Variants in IMMP2L observed in about 807,000 individuals in gnomAD.
The protein encoded by IMMP2L is mitochondrial inner membrane protease subunit 2.
In IMMP2L, 18 loss-of-function variants were observed where a neutral mutation model predicts 19.3. That is an observed-to-expected ratio of 0.93 (90% CI 0.64 to 1.38). IMMP2L has a LOEUF of 1.38. IMMP2L is among the 40% of genes most tolerant of loss of function. The pLI is 0.00. For missense variants in IMMP2L, 233 were observed against 218.2 expected (o/e 1.07, Z -0.43); for synonymous variants, 76 against 73.0 (o/e 1.04, Z -0.21).
chr7:111,001,852 T>C (rs1417530799), intron 3 of IMMP2L, among the ~76,000 whole-genome samples: 1 of 152,146 alleles, frequency 6.6e-6, no homozygotes, highest in African/African-American at 2.4e-5. Context: ...TACAATCCAC[T>C]GCAATGTTTG....
At chr7:111,201,228 T>C (rs567365276) in intron 3 of IMMP2L, among the ~76,000 whole-genome samples, 16 of 150,786 alleles carry the variant, frequency 1.1e-4, no homozygotes, top group South Asian at 4.2e-4. Flanking sequence ...CCTACTACTA[T>C]ATAATGAAAA....
intron 5 of IMMP2L, among the ~76,000 whole-genome samples, chr7:110,678,567 T>C (rs1792487622): frequency 6.6e-6 from 1 of 152,076 alleles, no homozygotes; most frequent in Admixed American, 6.6e-5. Flanking sequence ...ATGATCCCTG[T>C]CCCTTAGGAC....
chr7:110,906,436 G>C (rs1199062393), intron 4 of IMMP2L, among the ~76,000 whole-genome samples: 1 of 152,168 alleles, frequency 6.6e-6, no homozygotes, highest in Non-Finnish European at 1.5e-5. Flanking sequence ...ATTTAAGACA[G>C]CATTTGTTTA....
intron 3 of IMMP2L, among the ~76,000 whole-genome samples, chr7:111,407,906 T>C (rs1834034544): frequency 6.6e-6 from 1 of 151,952 alleles, no homozygotes; most frequent in Non-Finnish European, 1.5e-5. Flanking sequence ...TCACTGAAAA[T>C]TTGCTTAGGT....
At chr7:111,378,175 A>C (rs191081381) in intron 3 of IMMP2L, among the ~76,000 whole-genome samples, 1 of 152,012 alleles carries the variant, frequency 6.6e-6, no homozygotes, top group Non-Finnish European at 1.5e-5. Context: ...TAAAACAATT[A>C]TATGTCAGGA....
chr7:110,751,407 TA>T (rs149964983), intron 5 of IMMP2L, among the ~76,000 whole-genome samples: 3,149 of 152,094 alleles, frequency 0.021, 117 homozygotes, highest in African/African-American at 0.072. Flanking sequence ...CTGATTTTTC[TA>T]AGCCTTTTAC....
At chr7:110,962,601 A>T (rs900313721) in intron 4 of IMMP2L, 3 of 381,542 alleles carry the variant, frequency 7.9e-6, no homozygotes, top group African/African-American at 6.7e-5. Flanking sequence ...ACGGCAAGTA[A>T]CACTTTAGTA....
chr7:111,453,923 A>G (rs193023927), intron 3 of IMMP2L, among the ~76,000 whole-genome samples: 1 of 152,314 alleles, frequency 6.6e-6, no homozygotes, highest in East Asian at 1.9e-4. Flanking sequence ...GTTTAGCCAA[A>G]TTAAATACCA....
At chr7:110,693,590 C>T (rs1186912364) in intron 5 of IMMP2L, among the ~76,000 whole-genome samples, 1 of 152,170 alleles carries the variant, frequency 6.6e-6, no homozygotes, top group African/African-American at 2.4e-5. Context: ...GCTCAACAAA[C>T]ACTTCCTGAA....
chr7:111,442,866 T>TA (rs1418506230), intron 3 of IMMP2L, among the ~76,000 whole-genome samples: 1 of 151,864 alleles, frequency 6.6e-6, no homozygotes, highest in Non-Finnish European at 1.5e-5. Context: ...GTACTGTGAA[T>TA]AAAAAATCCA....
chr7:110,816,535 CTCG>C (rs1165220160), intron 5 of IMMP2L, among the ~76,000 whole-genome samples: 1 of 151,546 alleles, frequency 6.6e-6, no homozygotes, highest in African/African-American at 2.4e-5. Flanking sequence ...AACTTTCTGT[CTCG>C]TTGATCTGTC....
chr7:111,290,794 TTCTC>T (rs922999089), intron 3 of IMMP2L, among the ~76,000 whole-genome samples: 39 of 137,722 alleles, frequency 2.8e-4, no homozygotes, highest in East Asian at 1.1e-3. Flanking sequence ...CTGTCTCTCT[TTCTC>T]TCTCTCTCTC....
intron 5 of IMMP2L, among the ~76,000 whole-genome samples, chr7:110,697,499 C>T (rs1793976630): frequency 6.6e-6 from 1 of 152,278 alleles, no homozygotes; most frequent in South Asian, 2.1e-4. Flanking sequence ...TTTTAACTAA[C>T]AGTGACCACA....
chr7:111,341,245 A>G (rs1413483928), intron 3 of IMMP2L, among the ~76,000 whole-genome samples: 1 of 152,106 alleles, frequency 6.6e-6, no homozygotes, highest in African/African-American at 2.4e-5. Context: ...TAGCCAATAC[A>G]TCACACAGAA....
intron 3 of IMMP2L, among the ~76,000 whole-genome samples, chr7:111,462,167 C>G (rs1350430084): frequency 6.6e-6 from 1 of 151,662 alleles, no homozygotes; most frequent in Non-Finnish European, 1.5e-5. Context: ...CAAAGTATAA[C>G]CAGTAATTGT....
intron 5 of IMMP2L, among the ~76,000 whole-genome samples, chr7:110,874,108 T>A (rs73423072): frequency 0.041 from 6,243 of 152,212 alleles, 414 homozygotes; most frequent in African/African-American, 0.14. Context: ...TGTGATGTTT[T>A]TGGCTGGCTT....
intron 2 of IMMP2L, among the ~76,000 whole-genome samples, chr7:111,515,005 C>T (rs544710639): frequency 5.8e-4 from 88 of 152,256 alleles, no homozygotes; most frequent in Middle Eastern, 3.4e-3. Flanking sequence ...CTTTCAACTA[C>T]ATTTAGTATC....
chr7:111,361,733 G>T (rs1056809819), intron 3 of IMMP2L, among the ~76,000 whole-genome samples: 5 of 152,064 alleles, frequency 3.3e-5, no homozygotes, highest in Admixed American at 2.6e-4. Context: ...GATAACAGAA[G>T]TTCAGCTTTA....
At chr7:111,173,873 G>C (rs1806732956) in intron 3 of IMMP2L, among the ~76,000 whole-genome samples, 2 of 151,618 alleles carry the variant, frequency 1.3e-5, no homozygotes, top group African/African-American at 2.4e-5. Context: ...GCAAATATCT[G>C]TCGTTCACTG....
Sources: gnomAD v4.1 joint callset for allele counts (sites outside exome capture counted in the v4.1 genomes callset) on GRCh38, gnomAD v4.1.1 for gene constraint, MANE v1.5 for transcripts, NCBI Gene and HGNC (gene_info 2026-07-23, HGNC 2026-07-21) for gene names.